Variants in NME7 observed in about 807,000 individuals in gnomAD.
NME7 encodes the protein NME/NM23 family member 7.
In NME7, 41 loss-of-function variants were observed where a neutral mutation model predicts 49.1. The observed-to-expected ratio is 0.83, with a 90% confidence interval of 0.65 to 1.08. The LOEUF (loss-of-function observed/expected upper bound fraction) is 1.08, where lower values mean the gene tolerates loss of function less well. Among genes scored for constraint, NME7 ranks in the 50% least tolerant of loss-of-function variants. The pLI is 0.00. For synonymous variants in NME7, 139 were observed against 150.6 expected (o/e 0.92, Z 0.56); for missense variants, 423 against 463.4 (o/e 0.91, Z 0.80).
chr1:169,214,292 A>T (rs1660913455), intron 10 of NME7, among the ~76,000 whole-genome samples: 1 of 152,214 alleles, frequency 6.6e-6, no homozygotes, highest in South Asian at 2.1e-4. Context: ...CTTTGAAAAG[A>T]CTGGTCTTTC....
chr1:169,340,636 G>A (rs1178088483), intron 1 of NME7, among the ~76,000 whole-genome samples: 4 of 152,212 alleles, frequency 2.6e-5, no homozygotes. Flanking sequence ...ATTGTTGAAT[G>A]GTTTTGACCA....
chr1:169,328,661 T>C (rs1652151389), intron 1 of NME7, among the ~76,000 whole-genome samples: 3 of 152,150 alleles, frequency 2.0e-5, no homozygotes, highest in Non-Finnish European at 4.4e-5. Flanking sequence ...ACTAGGTAAA[T>C]TTTTTTGTAA....
At chr1:169,360,467 C>G (rs1653615115) in intron 1 of NME7, among the ~76,000 whole-genome samples, 1 of 152,184 alleles carries the variant, frequency 6.6e-6, no homozygotes, top group Non-Finnish European at 1.5e-5. Flanking sequence ...TATAATACTA[C>G]TGCATTTAGA....
intron 10 of NME7, among the ~76,000 whole-genome samples, chr1:169,218,869 G>A (rs758229732): frequency 1.3e-4 from 20 of 151,908 alleles, no homozygotes; most frequent in African/African-American, 3.4e-4. Context: ...TTCAGATGAC[G>A]TGAGATACCA....
At chr1:169,316,059 T>C (rs541043461) in intron 3 of NME7, among the ~76,000 whole-genome samples, 2 of 152,006 alleles carry the variant, frequency 1.3e-5, no homozygotes, top group South Asian at 4.2e-4. Flanking sequence ...AAACGGGTAG[T>C]TTACAATGAA....
intron 10 of NME7, among the ~76,000 whole-genome samples, chr1:169,184,444 C>T (rs887907709): frequency 1.3e-5 from 2 of 152,148 alleles, no homozygotes; most frequent in Non-Finnish European, 2.9e-5. Context: ...ACAACATGTC[C>T]CAAATCAAAA....
At chr1:169,230,940 C>G (rs1557998550) in intron 9 of NME7, 121 bp from the exon 10 acceptor site, 8 of 549,606 alleles carry the variant, frequency 1.5e-5, no homozygotes, top group Non-Finnish European at 2.1e-5. Context: ...CCACTTATAT[C>G]CCACATATCA....
chr1:169,204,728 G>C (rs756827617), intron 10 of NME7, among the ~76,000 whole-genome samples: 4 of 151,922 alleles, frequency 2.6e-5, no homozygotes, highest in Non-Finnish European at 5.9e-5. Flanking sequence ...GCCATTGTCT[G>C]TAAACTTATC....
At chr1:169,320,638 C>T (rs367979118) in intron 3 of NME7, among the ~76,000 whole-genome samples, 14 of 152,176 alleles carry the variant, frequency 9.2e-5, no homozygotes, top group Admixed American at 3.3e-4. Context: ...TGAAACTCTT[C>T]GGTTTGGAAG....
chr1:169,328,436 C>T (rs1343469516), intron 1 of NME7, among the ~76,000 whole-genome samples: 4 of 152,120 alleles, frequency 2.6e-5, no homozygotes, highest in East Asian at 1.9e-4. Context: ...GCATTGTACA[C>T]ACTCATCTCC....
At chr1:169,188,876 T>C (rs1660144896) in intron 10 of NME7, among the ~76,000 whole-genome samples, 1 of 152,184 alleles carries the variant, frequency 6.6e-6, no homozygotes. Flanking sequence ...GATCACATAG[T>C]GTCTTCATTT....
chr1:169,136,931 T>A (rs528617515), intron 11 of NME7, among the ~76,000 whole-genome samples: 1 of 152,348 alleles, frequency 6.6e-6, no homozygotes, highest in South Asian at 2.1e-4. Context: ...GAAATGCCTA[T>A]GGAGTTATAT....
chr1:169,207,487 G>C lies in NME7; in HGVS notation c.990+23231C>G, dbSNP rs534045576. On this transcript the variant is annotated intron_variant, in intron 10 of 11. Transcript: ENST00000367811. ...GAACCTTGCTCTAGGATTAGTCTCA[G>C]GGTACACCCAAGGGGGAAGAGGATC... Among the ~76,000 whole-genome samples, 16 of 152,162 alleles carry C rather than the reference G, an allele frequency of 1.1e-4. 1 individual carries two copies. The East Asian group carries it at 3.1e-3, about 29-fold the overall frequency.
At chr1:169,167,874 T>C (rs1399771109) in intron 11 of NME7, among the ~76,000 whole-genome samples, 4 of 152,198 alleles carry the variant, frequency 2.6e-5, no homozygotes, top group African/African-American at 9.7e-5. Flanking sequence ...AGCTATCACT[T>C]TGAGTGCTAT....
chr1:169,314,776 AAAAC>A (rs1397298931), intron 3 of NME7, among the ~76,000 whole-genome samples: 1 of 152,084 alleles, frequency 6.6e-6, no homozygotes, highest in Admixed American at 6.6e-5. Context: ...AAAGATATAA[AAAAC>A]AAACAAACAA....
At chr1:169,280,300 GTTGT>G (rs757309065) in intron 7 of NME7, among the ~76,000 whole-genome samples, 1 of 152,100 alleles carries the variant, frequency 6.6e-6, no homozygotes, top group Middle Eastern at 3.2e-3. Context: ...TTTTGATGGG[GTTGT>G]TTGTTTTTTT....
At chr1:169,277,073 T>C (rs530683185) in intron 7 of NME7, among the ~76,000 whole-genome samples, 1 of 150,726 alleles carries the variant, frequency 6.6e-6, no homozygotes, top group South Asian at 2.2e-4. Context: ...TAATTTCTGT[T>C]CTTTTACACT....
At chr1:169,313,630 C>A (rs1481282557) in intron 3 of NME7, among the ~76,000 whole-genome samples, 2 of 151,764 alleles carry the variant, frequency 1.3e-5, no homozygotes, top group Non-Finnish European at 2.9e-5. Context: ...TGCAATACAC[C>A]CACACATACA....
Position 169,256,416 on chromosome 1 carries a change from A to G in NME7, c.755-18729T>C, listed in dbSNP as rs1286870856. 7.5e-5 allele frequency among the ~76,000 whole-genome samples: 10 copies of G among 133,520 alleles called. 1 individual carries two copies. Among genetic ancestry groups the G allele is most frequent in the African/African-American group, 2.5e-4 (10 of 39,524 alleles). 87.6% of individuals were successfully genotyped at this position (133,520 alleles called of 152,430 possible). A position where few individuals can be genotyped will look rare whatever the true frequency, so the allele number is the denominator to read the frequency against. On this transcript the variant is annotated intron_variant, in intron 7 of 11. Coordinates refer to ENST00000367811, the MANE Select transcript of NME7 (RefSeq NM_013330.5). Reference sequence around the variant, plus strand: ...TCGAGCCTTGGTTTTCAGCTCCATCAGCTCCTTTAAGCACTTCTCTGTATT... The same window carrying G: ...TCGAGCCTTGGTTTTCAGCTCCATCGGCTCCTTTAAGCACTTCTCTGTATT...
Sources: gnomAD v4.1 joint callset for allele counts (sites outside exome capture counted in the v4.1 genomes callset) on GRCh38, gnomAD v4.1.1 for gene constraint, MANE v1.5 for transcripts, NCBI Gene and HGNC (gene_info 2026-07-23, HGNC 2026-07-21) for gene names.